The following OSBPL6 variants were observed in gnomAD, a reference collection of about 807,000 sequenced individuals.
The protein encoded by OSBPL6 is oxysterol-binding protein-related protein 6.
A neutral mutation model predicts 125.8 loss-of-function variants in OSBPL6; 49 were observed. The ratio of observed to expected loss-of-function variants is 0.39; its 90% CI spans 0.31 to 0.49. The LOEUF (loss-of-function observed/expected upper bound fraction) is 0.49, where lower values mean the gene tolerates loss of function less well. Among genes scored for constraint, OSBPL6 ranks in the 20% least tolerant of loss-of-function variants. The pLI is 0.88. For missense variants in OSBPL6, 986 were observed against 1,135.4 expected (o/e 0.87, Z 1.89); for synonymous variants, 394 against 391.8 (o/e 1.01, Z -0.07).
chr2:178,338,340 CA>C (rs890950343), intron 9 of OSBPL6, among the ~76,000 whole-genome samples: 1 of 151,692 alleles, frequency 6.6e-6, no homozygotes, highest in African/African-American at 2.4e-5. Context: ...CTAAATAAAC[CA>C]AAAAATTTAA....
chr2:178,340,266 G>A (rs947400517), intron 11 of OSBPL6, among the ~76,000 whole-genome samples: 1 of 151,976 alleles, frequency 6.6e-6, no homozygotes, highest in African/African-American at 2.4e-5. Flanking sequence ...GTACATTTCT[G>A]TTAAATTTCC....
chr2:178,260,194 T>C (rs991409686), intron 1 of OSBPL6, among the ~76,000 whole-genome samples: 6 of 152,210 alleles, frequency 3.9e-5, no homozygotes, highest in African/African-American at 1.4e-4. Flanking sequence ...GTTGGTTAGC[T>C]GACCTCCAAA....
At chr2:178,320,908 T>G (rs1574860159) in intron 3 of OSBPL6, among the ~76,000 whole-genome samples, 1 of 152,174 alleles carries the variant, frequency 6.6e-6, no homozygotes, top group Non-Finnish European at 1.5e-5. Context: ...GCCTGTAATC[T>G]CAGCACTTTG....
At chr2:178,200,587 A>G (rs2089194628) in intron 1 of OSBPL6, among the ~76,000 whole-genome samples, 1 of 151,998 alleles carries the variant, frequency 6.6e-6, no homozygotes, top group South Asian at 2.1e-4. Context: ...ACAAATCATG[A>G]TGTAACTTTC....
intron 3 of OSBPL6, among the ~76,000 whole-genome samples, chr2:178,310,854 A>G (rs926783011): frequency 6.6e-6 from 1 of 152,104 alleles, no homozygotes; most frequent in African/African-American, 2.4e-5. Flanking sequence ...TACCTTCAGG[A>G]TATACCTGGA....
At chr2:178,385,027 T>G (rs1480741845) in intron 18 of OSBPL6, among the ~76,000 whole-genome samples, 1 of 151,396 alleles carries the variant, frequency 6.6e-6, no homozygotes, top group Non-Finnish European at 1.5e-5. Context: ...TAAGTGGGAG[T>G]TGAACAATGA....
chr2:178,314,845 G>A (rs565938187), intron 3 of OSBPL6, among the ~76,000 whole-genome samples: 2 of 152,268 alleles, frequency 1.3e-5, no homozygotes, highest in South Asian at 2.1e-4. Context: ...TGGAGCCCTT[G>A]TTCTTGGCCC....
intron 1 of OSBPL6, among the ~76,000 whole-genome samples, chr2:178,240,732 G>A (rs762479744): frequency 5.3e-5 from 8 of 152,276 alleles, no homozygotes; most frequent in African/African-American, 1.7e-4. Flanking sequence ...TAGCCTGGGC[G>A]ACAGAACAAG....
intron 1 of OSBPL6, among the ~76,000 whole-genome samples, chr2:178,210,775 G>A (rs1198733074): frequency 1.3e-5 from 2 of 150,386 alleles, no homozygotes; most frequent in African/African-American, 2.5e-5. Context: ...TTGCCCCACT[G>A]CACTCCAGCC....
chr2:178,242,412 G>C (rs2091327927), intron 1 of OSBPL6, among the ~76,000 whole-genome samples: 1 of 152,164 alleles, frequency 6.6e-6, no homozygotes, highest in African/African-American at 2.4e-5. Flanking sequence ...TGGCTTTGCT[G>C]TTTCCTCCTC....
At chr2:178,202,496 A>C in intron 1 of OSBPL6, among the ~76,000 whole-genome samples, 1 of 152,120 alleles carries the variant, frequency 6.6e-6, no homozygotes, top group East Asian at 1.9e-4. Context: ...ATCTTTGTAC[A>C]TACTGTATCT....
chr2:178,279,939 C>T (rs2154029769), intron 1 of OSBPL6, among the ~76,000 whole-genome samples: 1 of 152,252 alleles, frequency 6.6e-6, no homozygotes, highest in Admixed American at 6.5e-5. Context: ...GTGGCTCACA[C>T]CTGGAATCCC....
intron 9 of OSBPL6, among the ~76,000 whole-genome samples, chr2:178,338,313 T>C (rs1439093626): frequency 6.6e-6 from 1 of 152,204 alleles, no homozygotes; most frequent in Non-Finnish European, 1.5e-5. Flanking sequence ...GTATAGATTT[T>C]TAAATATTCT....
At chr2:178,350,626 C>CCAGCT (rs1274316161) in intron 12 of OSBPL6, among the ~76,000 whole-genome samples, 1 of 152,210 alleles carries the variant, frequency 6.6e-6, no homozygotes, top group African/African-American at 2.4e-5. Flanking sequence ...TTCTGTAAGG[C>CCAGCT]CAGCTCTCTC....
At chr2:178,231,466 G>A (rs569430231) in intron 1 of OSBPL6, among the ~76,000 whole-genome samples, 4 of 152,126 alleles carry the variant, frequency 2.6e-5, no homozygotes, top group East Asian at 1.9e-4. Flanking sequence ...TCTGCAGCTC[G>A]ATTTTACAGG....
chr2:178,389,496 G>A (rs995000191), intron 21 of OSBPL6, among the ~76,000 whole-genome samples: 1 of 152,120 alleles, frequency 6.6e-6, no homozygotes, highest in Admixed American at 6.5e-5. Context: ...TTCTCTTCCT[G>A]CTTGATATGT....
In OSBPL6 at chr2:178,233,673, A is replaced by G. The variant is rs80194387; in HGVS notation, c.-351+38999A>G. On this transcript the variant is annotated intron_variant, in intron 1 of 24. Transcript: ENST00000190611. ...ACACATGGGCAGGGAGGGAGATTTC[A>G]GTCGATGTTCAGTACCTGGAGGCTG... 3.4e-3 allele frequency among the ~76,000 whole-genome samples: 519 copies of G among 152,302 alleles called. 4 individuals are homozygous for G. The highest frequency in any genetic ancestry group is 5.6e-3 in the Non-Finnish European group (381 of 68,022).
At position 178,336,295 on chromosome 2, in the gene OSBPL6, C is replaced by T. The variant is rs761069872; in HGVS notation, c.658-6C>T. 1 of 1,612,888 alleles carries T rather than the reference C, an allele frequency of 6.2e-7. No homozygotes were observed. The highest frequency in any genetic ancestry group is 1.1e-5 in the South Asian group (1 of 90,838). On this transcript the variant is annotated splice_polypyrimidine_tract_variant and splice_region_variant and intron_variant, in intron 8 of 24. Coordinates refer to ENST00000190611, the MANE Select transcript of OSBPL6 (RefSeq NM_032523.4). ...TAACCATACAATTCATCTTTGTTTG[C>T]CGTAGATGCAACCAAACAGCTTTCC...
chr2:178,304,015 A>C (rs1402637066), intron 2 of OSBPL6, among the ~76,000 whole-genome samples: 6 of 152,170 alleles, frequency 3.9e-5, no homozygotes, highest in Non-Finnish European at 7.3e-5. Context: ...TGCTTCTATA[A>C]CAGAATACCC....
Sources: gnomAD v4.1 joint callset for allele counts (sites outside exome capture counted in the v4.1 genomes callset) on GRCh38, gnomAD v4.1.1 for gene constraint, MANE v1.5 for transcripts, NCBI Gene and HGNC (gene_info 2026-07-23, HGNC 2026-07-21) for gene names.